Variants in TMC1 observed in about 807,000 individuals in gnomAD.
TMC1 encodes transmembrane channel-like protein 1.
A neutral mutation model predicts 105.8 loss-of-function variants in TMC1; 84 were observed. The observed-to-expected ratio is 0.79, with a 90% CI of 0.67 to 0.95. TMC1 has a LOEUF of 0.95. TMC1 is among the 40% of genes least tolerant of loss of function. The pLI, the probability that TMC1 is intolerant of heterozygous loss-of-function variation, is 0.00. For synonymous variants in TMC1, 315 were observed against 311.5 expected (o/e 1.01, Z -0.12); for missense variants, 817 against 914.1 (o/e 0.89, Z 1.37).
chr9:72,650,005 C>A (rs1000708789), intron 5 of TMC1, among the ~76,000 whole-genome samples: 3 of 152,250 alleles, frequency 2.0e-5, no homozygotes, highest in African/African-American at 7.2e-5. Context: ...CATTTATTAA[C>A]CTTATTGTGC....
chr9:72,830,624 T>C lies in TMC1; in HGVS notation c.2209-7T>C. On this transcript the variant is annotated splice_region_variant and splice_polypyrimidine_tract_variant and intron_variant, in intron 22 of 23. Transcript: ENST00000297784. ...CTACTTTTTTCCCCTTATTTTTTAT[T>C]GTGTAGCAAGCTTTGGAGAACAAAA... The C allele has an allele frequency of 1.9e-6, 3 of 1,613,572 alleles. No individual in the cohort carries two copies. The highest frequency in any genetic ancestry group is 2.7e-5 in the African/African-American group (2 of 75,018).
At chr9:72,552,068 A>G (rs1823867863) in intron 1 of TMC1, among the ~76,000 whole-genome samples, 1 of 152,122 alleles carries the variant, frequency 6.6e-6, no homozygotes, top group Non-Finnish European at 1.5e-5. Flanking sequence ...CCATGTGGTA[A>G]TTTATTACAG....
chr9:72,659,647 A>T (rs1426416750), intron 5 of TMC1, among the ~76,000 whole-genome samples: 1 of 152,164 alleles, frequency 6.6e-6, no homozygotes, highest in Non-Finnish European at 1.5e-5. Flanking sequence ...TTGTGTCCAA[A>T]AACAGACAAA....
chr9:72,656,954 G>GT, intron 5 of TMC1, among the ~76,000 whole-genome samples: 1 of 152,280 alleles, frequency 6.6e-6, no homozygotes, highest in South Asian at 2.1e-4. Context: ...CCTCTGACTG[G>GT]TTGGTAGCCT....
At chr9:72,628,163 G>A (rs926487585) in intron 4 of TMC1, 100 bp downstream of exon 4, 4 of 445,280 alleles carry the variant, frequency 9.0e-6, no homozygotes, top group African/African-American at 6.0e-5. Flanking sequence ...TATGGAATGG[G>A]ATTGTACAGA....
chr9:72,717,936 A>G (rs2117935052), intron 8 of TMC1, among the ~76,000 whole-genome samples: 1 of 152,138 alleles, frequency 6.6e-6, no homozygotes, highest in Admixed American at 6.5e-5. Flanking sequence ...ACTTATTCTT[A>G]GGTTTGGTCA....
In TMC1 at chr9:72,628,066, A is replaced by G. The variant is rs1332012103; in HGVS notation, c.-53+3A>G. The G allele has an allele frequency of 1.3e-5, 6 of 455,684 alleles. No individual in the cohort carries two copies. The highest frequency in any genetic ancestry group is 6.9e-5 in the East Asian group (1 of 14,398). 28.2% of individuals were successfully genotyped at this position (455,684 alleles called of 1,614,324 possible). On this transcript the variant is annotated splice_donor_region_variant and intron_variant, in intron 4 of 23. Coordinates refer to ENST00000297784, the MANE Select transcript of TMC1 (RefSeq NM_138691.3). The stretch of plus-strand genomic sequence containing the variant: ...CTTAAGGAGCTGCAGAAGGGAAGGT[A>G]GTGAGGAGACAGTTAAATATTGAGC...
At chr9:72,812,908 A>G (rs7040517) in intron 18 of TMC1, among the ~76,000 whole-genome samples, 10,225 of 152,294 alleles carry the variant, frequency 0.067, 399 homozygotes, top group African/African-American at 0.1. Context: ...TTTCTTTGTC[A>G]AGTGAGCACC....
At chr9:72,672,787 A>G (rs568776366) in intron 5 of TMC1, among the ~76,000 whole-genome samples, 1 of 150,386 alleles carries the variant, frequency 6.6e-6, no homozygotes, top group African/African-American at 2.4e-5. Flanking sequence ...GCACTTTGGC[A>G]GGCCTTGAGC....
chr9:72,611,907 C>A (rs1825030766), intron 2 of TMC1, among the ~76,000 whole-genome samples: 1 of 152,106 alleles, frequency 6.6e-6, no homozygotes, highest in Non-Finnish European at 1.5e-5. Context: ...ATGTGGCTAT[C>A]TTCTGTCCCG....
chr9:72,785,306 A>G (rs981850873), intron 13 of TMC1, among the ~76,000 whole-genome samples: 1 of 152,138 alleles, frequency 6.6e-6, no homozygotes. Context: ...CTTTAACTAA[A>G]TTTTAATCAC....
chr9:72,788,512 G>A, intron 14 of TMC1, 29 bp downstream of exon 14: 1 of 1,612,908 alleles, frequency 6.2e-7, no homozygotes, highest in Non-Finnish European at 8.5e-7. Context: ...AAAACCTGCT[G>A]TTTGTATTTC....
At chr9:72,678,995 C>T (rs1235880187) in intron 5 of TMC1, among the ~76,000 whole-genome samples, 1 of 152,022 alleles carries the variant, frequency 6.6e-6, no homozygotes, top group Non-Finnish European at 1.5e-5. Context: ...ACTCCCATCC[C>T]ACTGAAGTCT....
chr9:72,710,455 C>T (rs1236385352), intron 8 of TMC1, among the ~76,000 whole-genome samples: 1 of 152,110 alleles, frequency 6.6e-6, no homozygotes, highest in Non-Finnish European at 1.5e-5. Context: ...TGAAGTCCCC[C>T]ACTATTATTG....
chr9:72,769,832 G>A (rs1046170768), intron 12 of TMC1, among the ~76,000 whole-genome samples: 1 of 152,180 alleles, frequency 6.6e-6, no homozygotes, highest in African/African-American at 2.4e-5. Context: ...GGAAGTTGTG[G>A]TGTTGTCCCA....
intron 5 of TMC1, among the ~76,000 whole-genome samples, chr9:72,675,724 G>A (rs1341432003): frequency 6.6e-6 from 1 of 152,124 alleles, no homozygotes; most frequent in Non-Finnish European, 1.5e-5. Flanking sequence ...GCAAGTACAA[G>A]GTCCCAGCTT....
chr9:72,599,678 C>T (rs975104008), intron 2 of TMC1, among the ~76,000 whole-genome samples: 6 of 151,730 alleles, frequency 4.0e-5, no homozygotes, highest in African/African-American at 1.5e-4. Flanking sequence ...GCCGTAGAGG[C>T]GGGTGCCTGT....
intron 4 of TMC1, among the ~76,000 whole-genome samples, chr9:72,647,034 C>A (rs577865105): frequency 6.1e-4 from 91 of 150,102 alleles, no homozygotes; most frequent in Non-Finnish European, 8.3e-4. Flanking sequence ...CCCAGCTACT[C>A]GGGAGGCTGA....
intron 1 of TMC1, among the ~76,000 whole-genome samples, chr9:72,570,224 AAG>A (rs542928683): frequency 1.6e-5 from 2 of 123,592 alleles, no homozygotes; most frequent in African/African-American, 6.5e-5. Context: ...GTGGGGCTCA[AAG>A]AGTAGTGTGT....
Sources: gnomAD v4.1 joint callset for allele counts (sites outside exome capture counted in the v4.1 genomes callset) on GRCh38, gnomAD v4.1.1 for gene constraint, MANE v1.5 for transcripts, NCBI Gene and HGNC (gene_info 2026-07-23, HGNC 2026-07-21) for gene names.